Variants in AGBL1 observed in about 807,000 individuals in gnomAD.
AGBL1 encodes cytosolic carboxypeptidase 4.
A neutral mutation model predicts 118.9 loss-of-function variants in AGBL1; 130 were observed. That is an observed-to-expected ratio of 1.09 (90% CI 0.95 to 1.26). The LOEUF (loss-of-function observed/expected upper bound fraction) is 1.26, where lower values mean the gene tolerates loss of function less well. AGBL1 is among the 50% of genes most tolerant of loss of function. The probability of loss-of-function intolerance (pLI) is 0.00; values close to 1 mark genes in which losing one functional copy is unlikely to be tolerated. For synonymous variants in AGBL1, 555 were observed against 478.9 expected (o/e 1.16, Z -2.08); for missense variants, 1,584 against 1,298.1 (o/e 1.22, Z -3.38).
intron 18 of AGBL1, among the ~76,000 whole-genome samples, chr15:86,442,302 G>A (rs563508030): frequency 6.6e-6 from 1 of 152,300 alleles, no homozygotes; most frequent in East Asian, 1.9e-4. Flanking sequence ...CAGTATAATG[G>A]AATGAGCCTG....
In AGBL1 at chr15:86,636,722, T is replaced by C. The variant is rs187076499; in HGVS notation, c.2995-37551T>C. On this transcript the variant is annotated intron_variant, in intron 21 of 22. Coordinates refer to ENST00000614907, the MANE Select transcript of AGBL1 (RefSeq NM_001386094.1). ...CCAGTCATATATATATATATATATA[T>C]ATATATATATATATATATATATATA... Among the ~76,000 whole-genome samples the C allele has an allele frequency of 7.6e-4, 25 of 33,082 alleles. 4 individuals carry two copies. In the South Asian group the frequency reaches 9.7e-3, roughly 13 times the overall value. The allele number at this position is 33,082 out of a possible 152,430, so 21.7% of individuals were successfully genotyped here. A position where few individuals can be genotyped will look rare whatever the true frequency, so the allele number is the denominator to read the frequency against.
At chr15:86,699,595 A>G (rs1280526548) in intron 22 of AGBL1, among the ~76,000 whole-genome samples, 1 of 151,972 alleles carries the variant, frequency 6.6e-6, no homozygotes, top group African/African-American at 2.4e-5. Context: ...TATTTTGAAG[A>G]ATGTCTCTCA....
Position 86,266,543 on chromosome 15 carries a change from C to G in AGBL1, c.1751+86C>G. 12 of 911,472 alleles carry G rather than the reference C, an allele frequency of 1.3e-5. No individual in the cohort carries two copies. The South Asian group carries it at 2.1e-4, about 16-fold the overall frequency. The allele number at this position is 911,472 out of a possible 1,614,324, so 56.5% of individuals were successfully genotyped here. ...AATAGACATGTTTCCTGTTAATAAT[C>G]CACTCCTCCTCCTAAAACAGCATGA... On this transcript the variant is annotated intron_variant, in intron 12 of 22. Coordinates refer to ENST00000614907, the MANE Select transcript of AGBL1 (RefSeq NM_001386094.1).
Position 86,879,160 on chromosome 15 carries a change from C to T in AGBL1, c.3159-27927C>T, listed in dbSNP as rs141387189. Among the ~76,000 whole-genome samples the T allele has an allele frequency of 2.3e-3, 352 of 152,316 alleles. 3 individuals are homozygous for T. The highest frequency in any genetic ancestry group is 8.2e-3 in the African/African-American group (339 of 41,562). On this transcript the variant is annotated intron_variant, in intron 22 of 22. Transcript: ENST00000614907. ...TTCCTTTCTGCACTCTTGCCCCATT[C>T]ATCCTCTCTTTGGCCCTCATCTCTT... is the stretch of plus-strand genomic sequence containing the variant.
chr15:86,778,677 T>C (rs1024309092), intron 22 of AGBL1, among the ~76,000 whole-genome samples: 1 of 152,196 alleles, frequency 6.6e-6, no homozygotes, highest in East Asian at 1.9e-4. Context: ...TATCGTGTTC[T>C]TTTTTCAAGG....
At chr15:86,326,738 T>C (rs1268763285) in intron 17 of AGBL1, among the ~76,000 whole-genome samples, 2 of 152,152 alleles carry the variant, frequency 1.3e-5, no homozygotes, top group African/African-American at 4.8e-5. Flanking sequence ...GCAACCTTCT[T>C]AAATATCTGT....
chr15:86,820,783 G>A (rs2078930888), intron 22 of AGBL1, among the ~76,000 whole-genome samples: 1 of 152,146 alleles, frequency 6.6e-6, no homozygotes, highest in African/African-American at 2.4e-5. Flanking sequence ...AATTCCTCAA[G>A]GATCTAGAAT....
intron 19 of AGBL1, among the ~76,000 whole-genome samples, chr15:86,524,253 A>G (rs1486410905): frequency 6.6e-6 from 1 of 152,188 alleles, no homozygotes; most frequent in East Asian, 1.9e-4. Context: ...TTACTGTTGA[A>G]AGCGTGTGTT....
At chr15:86,688,290 G>C (rs1163715763) in intron 22 of AGBL1, among the ~76,000 whole-genome samples, 2 of 151,952 alleles carry the variant, frequency 1.3e-5, no homozygotes, top group East Asian at 1.9e-4. Flanking sequence ...GGGAGGACAA[G>C]GGAGGAGAAA....
At chr15:86,888,671 T>C (rs1228157707) in intron 22 of AGBL1, among the ~76,000 whole-genome samples, 1 of 152,150 alleles carries the variant, frequency 6.6e-6, no homozygotes, top group Non-Finnish European at 1.5e-5. Context: ...ACATTTTCCA[T>C]CTGTTGCCTT....
At chr15:86,886,329 G>A (rs763369003) in intron 22 of AGBL1, among the ~76,000 whole-genome samples, 1 of 152,158 alleles carries the variant, frequency 6.6e-6, no homozygotes, top group South Asian at 2.1e-4. Context: ...AATGGCCCAC[G>A]TTAGCACTAT....
intron 22 of AGBL1, among the ~76,000 whole-genome samples, chr15:86,860,339 T>A (rs937633659): frequency 6.6e-6 from 1 of 152,040 alleles, no homozygotes; most frequent in African/African-American, 2.4e-5. Flanking sequence ...AACAACTACA[T>A]CAAGAGAGCC....
chr15:86,428,578 T>C (rs2081895363), intron 18 of AGBL1, among the ~76,000 whole-genome samples: 1 of 152,226 alleles, frequency 6.6e-6, no homozygotes. Flanking sequence ...TTTTATGAGT[T>C]GATTTGAGTT....
intron 21 of AGBL1, among the ~76,000 whole-genome samples, chr15:86,605,905 T>C (rs1053647085): frequency 2.0e-5 from 3 of 151,868 alleles, no homozygotes; most frequent in Admixed American, 6.6e-5. Flanking sequence ...GGAAGGTGGA[T>C]CGCCTGAGGT....
chr15:86,816,240 G>C (rs1596509646), intron 22 of AGBL1, among the ~76,000 whole-genome samples: 1 of 152,152 alleles, frequency 6.6e-6, no homozygotes, highest in East Asian at 1.9e-4. Context: ...TATTCACAAA[G>C]GTAAAAGGAC....
chr15:86,744,466 T>G (rs2077724671), intron 22 of AGBL1, among the ~76,000 whole-genome samples: 1 of 152,014 alleles, frequency 6.6e-6, no homozygotes, highest in Non-Finnish European at 1.5e-5. Flanking sequence ...TCCTAGATAA[T>G]GAGCAGATAT....
intron 17 of AGBL1, among the ~76,000 whole-genome samples, chr15:86,298,727 C>A (rs1321266109): frequency 1.3e-5 from 2 of 152,114 alleles, no homozygotes; most frequent in Non-Finnish European, 2.9e-5. Context: ...CTGTCACTCA[C>A]CCCTCATAAG....
At chr15:86,533,244 T>G (rs1395911310) in intron 19 of AGBL1, among the ~76,000 whole-genome samples, 1 of 94,452 alleles carries the variant, frequency 1.1e-5, no homozygotes, top group Non-Finnish European at 2.0e-5. Context: ...GAATCTACAA[T>G]GAACTCAAAC....
chr15:86,515,965 A>C (rs981777580), intron 18 of AGBL1, among the ~76,000 whole-genome samples: 3 of 152,184 alleles, frequency 2.0e-5, no homozygotes, highest in African/African-American at 7.2e-5. Flanking sequence ...TAAGATGTAC[A>C]TTGATTGGGT....
Sources: allele counts gnomAD v4.1 joint callset (sites outside exome capture counted in the v4.1 genomes callset), GRCh38; gene constraint gnomAD v4.1.1; transcripts MANE v1.5; gene names NCBI Gene and HGNC (gene_info 2026-07-23, HGNC 2026-07-21).